The following EBF1 variants were observed in gnomAD, a reference collection of about 807,000 sequenced individuals.
EBF1 encodes the protein transcription factor COE1.
EBF1 carries 10 observed loss-of-function variants against 68.4 expected under a neutral mutation model. The ratio of observed to expected loss-of-function variants is 0.15; its 90% CI spans 0.09 to 0.25. The LOEUF (loss-of-function observed/expected upper bound fraction) is 0.25. EBF1 is among the 10% of genes least tolerant of loss of function. The pLI is 1.00. For missense variants in EBF1, 509 were observed against 794.4 expected (o/e 0.64, Z 4.32); for synonymous variants, 298 against 299.8 (o/e 0.99, Z 0.06).
At chr5:158,901,791 A>T (rs1803405145) in intron 6 of EBF1, among the ~76,000 whole-genome samples, 1 of 152,154 alleles carries the variant, frequency 6.6e-6, no homozygotes, top group South Asian at 2.1e-4. Flanking sequence ...TGAAGAGAAG[A>T]CTCAAAACCA....
intron 14 of EBF1, among the ~76,000 whole-genome samples, chr5:158,708,497 T>C (rs1162465519): frequency 2.0e-5 from 3 of 152,080 alleles, no homozygotes; most frequent in Non-Finnish European, 4.4e-5. Flanking sequence ...CACTAACCAA[T>C]CCAAATGCAC....
At position 158,710,542 on chromosome 5, in the gene EBF1, T is replaced by C. The variant is rs141617745; in HGVS notation, c.1549+1612A>G. ...TGTGAAACTGATCCTAAACATTGAC[T>C]TGTGAGTAGACAGACATAATATATG... On this transcript the variant is annotated intron_variant, in intron 14 of 15. Transcript: ENST00000313708. 3.9e-3 allele frequency among the ~76,000 whole-genome samples: 592 copies of C among 152,346 alleles called. 3 individuals are homozygous for C. Among genetic ancestry groups the C allele is most frequent in the African/African-American group, 0.013 (557 of 41,574 alleles).
intron 6 of EBF1, among the ~76,000 whole-genome samples, chr5:158,981,807 A>G (rs911083107): frequency 1.5e-4 from 23 of 152,322 alleles, no homozygotes; most frequent in African/African-American, 5.1e-4. Flanking sequence ...AACAATTACT[A>G]TTGTTTTATT....
At chr5:158,851,964 G>GA (rs1792934002) in intron 6 of EBF1, among the ~76,000 whole-genome samples, 2 of 30,446 alleles carry the variant, frequency 6.6e-5, no homozygotes, top group African/African-American at 1.5e-4. Flanking sequence ...GGAAGGCAGG[G>GA]AAGGGTGGGG....
intron 6 of EBF1, among the ~76,000 whole-genome samples, chr5:158,920,310 C>G (rs2127400237): frequency 6.6e-6 from 1 of 152,294 alleles, no homozygotes; most frequent in African/African-American, 2.4e-5. Flanking sequence ...AAACTGAGAT[C>G]CAAACCCAGA....
intron 6 of EBF1, among the ~76,000 whole-genome samples, chr5:158,872,150 A>G (rs1408935595): frequency 2.0e-5 from 3 of 152,022 alleles, no homozygotes; most frequent in Non-Finnish European, 2.9e-5. Context: ...CTCTGCCTTT[A>G]GACTGGACTT....
chr5:159,084,169 GA>G (rs968232385), intron 5 of EBF1, among the ~76,000 whole-genome samples: 48 of 147,236 alleles, frequency 3.3e-4, no homozygotes, highest in Middle Eastern at 3.5e-3. Context: ...GCAAGAGGAA[GA>G]AAAAAAAAAC....
rs186463513 is a variant in EBF1 at position 159,031,168 on chromosome 5, C to T, written c.554+42228G>A. ...CAACCTGGGCTACAGAGCGAGACTT[C>T]GTCTCAAAAAAAAAGAAAAGAAAAG... is the stretch of plus-strand genomic sequence containing the variant. On this transcript the variant is annotated intron_variant, in intron 6 of 15. Coordinates refer to ENST00000313708, the MANE Select transcript of EBF1 (RefSeq NM_024007.5). Among the ~76,000 whole-genome samples the T allele has an allele frequency of 5.2e-3, 781 of 150,764 alleles. 6 individuals are homozygous for T. Among genetic ancestry groups the T allele is most frequent in the African/African-American group, 0.018 (733 of 40,370 alleles).
At chr5:158,737,174 C>T (rs900469918) in intron 10 of EBF1, among the ~76,000 whole-genome samples, 1 of 147,614 alleles carries the variant, frequency 6.8e-6, no homozygotes, top group Non-Finnish European at 1.5e-5. Context: ...CTTTCTGCAA[C>T]AAGAAGGGTG....
chr5:158,965,429 C>A (rs1753912473), intron 6 of EBF1, among the ~76,000 whole-genome samples: 1 of 152,138 alleles, frequency 6.6e-6, no homozygotes, highest in Non-Finnish European at 1.5e-5. Flanking sequence ...ACTTTCATTC[C>A]TAGGAAGATT....
rs1755937503 is a variant in EBF1 at position 158,697,402 on chromosome 5, A to C, written c.*1709T>G. 9.7e-6 allele frequency: 2 copies of C among 205,134 alleles called. No homozygotes were observed. Among genetic ancestry groups the C allele is most frequent in the Admixed American group, 6.0e-5 (1 of 16,744 alleles). 12.7% of individuals were successfully genotyped at this position (205,134 alleles called of 1,614,324 possible). On this transcript the variant is annotated 3_prime_UTR_variant, in exon 16 of 16. Coordinates refer to ENST00000313708, the MANE Select transcript of EBF1 (RefSeq NM_024007.5). ...TATAACAATACTAAAAATAACTATA[A>C]ATGAAATGTTTAAAAATCACATTGA...
intron 10 of EBF1, among the ~76,000 whole-genome samples, chr5:158,766,810 C>T (rs10476266): frequency 0.12 from 18,488 of 151,942 alleles, 1,446 homozygotes; most frequent in African/African-American, 0.21. Context: ...CAAAGCAGGA[C>T]GCAAAACTAT....
At position 158,833,138 on chromosome 5, in the gene EBF1, T is replaced by TAAA. The variant is rs548995829; in HGVS notation, c.636+6888_636+6890dup. ...AAGAGAGGTTGTCTCCCTTCTCTAC[T>TAAA]AAAAAAAAAATCTAAAAATTAGCCA... On this transcript the variant is annotated intron_variant, in intron 7 of 15. Transcript: ENST00000313708. Among the ~76,000 whole-genome samples, 317 of 148,964 alleles carry TAAA rather than the reference T, an allele frequency of 2.1e-3. 3 individuals carry two copies. The highest frequency in any genetic ancestry group is 7.6e-3 in the African/African-American group (310 of 40,718).
intron 11 of EBF1, among the ~76,000 whole-genome samples, chr5:158,722,360 C>T (rs1029570394): frequency 6.6e-6 from 1 of 152,190 alleles, no homozygotes; most frequent in Non-Finnish European, 1.5e-5. Context: ...ACTTCTGTTT[C>T]TCTTTGTCTT....
At chr5:158,736,529 T>C (rs1458340479) in intron 10 of EBF1, among the ~76,000 whole-genome samples, 2 of 152,224 alleles carry the variant, frequency 1.3e-5, no homozygotes, top group Non-Finnish European at 2.9e-5. Flanking sequence ...ATATTAATAT[T>C]CTATTGCCAT....
intron 9 of EBF1, among the ~76,000 whole-genome samples, chr5:158,795,928 T>C (rs566089358): frequency 4.6e-5 from 7 of 152,198 alleles, no homozygotes; most frequent in Non-Finnish European, 8.8e-5. Flanking sequence ...TATGCTGCCA[T>C]TGAATGATGT....
rs890378947 is a variant in EBF1, at chr5:159,091,745, C to G, written c.411+3875G>C. Among the ~76,000 whole-genome samples, 13 of 152,248 alleles carry G rather than the reference C, an allele frequency of 8.5e-5. 1 individual carries two copies. The highest frequency in any genetic ancestry group is 8.5e-4 in the Admixed American group (13 of 15,300). The stretch of plus-strand genomic sequence containing the variant: ...ACGGGGAAGATCAAAACAAATATAT[C>G]AAGAAGTCTAGCTGGGAAGAGAAAC... On this transcript the variant is annotated intron_variant, in intron 4 of 15. Coordinates refer to ENST00000313708, the MANE Select transcript of EBF1 (RefSeq NM_024007.5).
chr5:158,823,886 C>T (rs1455108525), intron 7 of EBF1, among the ~76,000 whole-genome samples: 3 of 151,840 alleles, frequency 2.0e-5, no homozygotes, highest in Admixed American at 2.0e-4. Flanking sequence ...ATTACCATCA[C>T]CCCACCCCAA....
Position 158,696,342 on chromosome 5 carries a change from G to GAAAT in EBF1, c.*2765_*2768dup, listed in dbSNP as rs1561653822. 9.0e-6 allele frequency: 2 copies of GAAAT among 221,574 alleles called. No homozygotes were observed. The highest frequency in any genetic ancestry group is 9.0e-6 in the Non-Finnish European group (1 of 110,890). 13.7% of individuals were successfully genotyped at this position (221,574 alleles called of 1,614,324 possible). A position where few individuals can be genotyped will look rare whatever the true frequency, so the allele number is the denominator to read the frequency against. ...AGAATGTCTTTTCATCTAATCAATAGAAATAGAAGCAACAAAACACAAATT... is the reference window on the plus strand; with the variant it reads ...AGAATGTCTTTTCATCTAATCAATAGAAATAAATAGAAGCAACAAAACACAAATT... On this transcript the variant is annotated 3_prime_UTR_variant, in exon 16 of 16. Transcript: ENST00000313708.
Sources: allele counts gnomAD v4.1 joint callset (sites outside exome capture counted in the v4.1 genomes callset), GRCh38; gene constraint gnomAD v4.1.1; transcripts MANE v1.5; gene names NCBI Gene and HGNC (gene_info 2026-07-23, HGNC 2026-07-21).